DLG2: variants seen among roughly 807,000 people sequenced by gnomAD.
DLG2 encodes the protein discs large MAGUK scaffold protein 2.
DLG2 carries 45 observed loss-of-function variants against 132.5 expected under a neutral mutation model. That is an observed-to-expected ratio of 0.34 (90% confidence interval 0.27 to 0.44). The LOEUF is 0.44. Among genes scored for constraint, DLG2 ranks in the 20% least tolerant of loss-of-function variants. DLG2 has a pLI of 1.00. For missense variants in DLG2, 1,045 were observed against 1,196.9 expected (o/e 0.87, Z 1.87); for synonymous variants, 424 against 419.6 (o/e 1.01, Z -0.13).
At chr11:84,966,591 A>G (rs186733421) in intron 6 of DLG2, among the ~76,000 whole-genome samples, 87 of 152,270 alleles carry the variant, frequency 5.7e-4, no homozygotes, top group African/African-American at 2.0e-3. Flanking sequence ...TGTGACGAGG[A>G]AAGACAGCAT....
At chr11:84,202,026 C>T (rs920587635) in intron 8 of DLG2, among the ~76,000 whole-genome samples, 11 of 151,744 alleles carry the variant, frequency 7.2e-5, no homozygotes, top group Non-Finnish European at 1.3e-4. Flanking sequence ...ACTATGTTGG[C>T]CAGGCTGGTC....
At chr11:84,385,703 T>C (rs891013402) in intron 7 of DLG2, among the ~76,000 whole-genome samples, 1 of 152,068 alleles carries the variant, frequency 6.6e-6, no homozygotes, top group Non-Finnish European at 1.5e-5. Context: ...GATCAAATAA[T>C]CAACCTAACC....
intron 18 of DLG2, among the ~76,000 whole-genome samples, chr11:83,652,276 G>A (rs1164401454): frequency 1.3e-5 from 2 of 152,094 alleles, no homozygotes; most frequent in East Asian, 1.9e-4. Flanking sequence ...CTCTTGAAAA[G>A]GGGGAGAGGA....
intron 10 of DLG2, among the ~76,000 whole-genome samples, chr11:84,077,680 AC>A (rs1446672900): frequency 6.6e-6 from 1 of 152,220 alleles, no homozygotes; most frequent in East Asian, 1.9e-4. Context: ...CAATTACATC[AC>A]TATTTCAAAT....
At chr11:84,971,687 G>A (rs997545807) in intron 6 of DLG2, among the ~76,000 whole-genome samples, 3 of 151,718 alleles carry the variant, frequency 2.0e-5, no homozygotes, top group African/African-American at 7.3e-5. Flanking sequence ...AGTTTAAAAG[G>A]GTAATTCTTT....
chr11:85,216,657 G>A (rs2082617987), intron 4 of DLG2, among the ~76,000 whole-genome samples: 1 of 152,026 alleles, frequency 6.6e-6, no homozygotes, highest in African/African-American at 2.4e-5. Flanking sequence ...CAGAATCTTA[G>A]GGTCGGTCAC....
chr11:83,689,452 A>C (rs2080456203), intron 18 of DLG2, among the ~76,000 whole-genome samples: 1 of 152,168 alleles, frequency 6.6e-6, no homozygotes, highest in African/African-American at 2.4e-5. Context: ...CTTCAATGCA[A>C]TGAAGGCTAA....
chr11:83,943,111 G>A (rs775326178), intron 14 of DLG2, among the ~76,000 whole-genome samples: 4 of 152,156 alleles, frequency 2.6e-5, no homozygotes, highest in Non-Finnish European at 5.9e-5. Context: ...CCTCAGCCAC[G>A]TGGAACTGTA....
chr11:84,735,615 A>AT (rs952226717), intron 6 of DLG2, among the ~76,000 whole-genome samples: 1 of 151,690 alleles, frequency 6.6e-6, no homozygotes, highest in Non-Finnish European at 1.5e-5. Context: ...TTTTTGAAGG[A>AT]TTTTTTTCGT....
rs747301046 is a variant in DLG2 at position 83,833,619 on chromosome 11, G to T, written c.1717C>A (p.Leu573Ile). Residue 573 changes from leucine to isoleucine, a missense_variant, in exon 17 of 28, where the codon CTA becomes ATA. Coordinates refer to ENST00000376104, the MANE Select transcript of DLG2 (RefSeq NM_001142699.3). The part of the protein sequence containing the change: ...SGELQRGDQI[L>I]SVNGIDLRGA... The stretch of plus-strand genomic sequence containing the variant: ...GATTAAAGAAACATACTCACCGATA[G>T]GATCTGGTCTCCTCTCTGGAGCTCC... The T allele has an allele frequency of 1.2e-6, 2 of 1,612,888 alleles. No homozygotes were observed. Among genetic ancestry groups the T allele is most frequent in the Non-Finnish European group, 1.7e-6 (2 of 1,179,480 alleles).
At chr11:84,178,526 G>T (rs2096031922) in intron 8 of DLG2, among the ~76,000 whole-genome samples, 1 of 152,080 alleles carries the variant, frequency 6.6e-6, no homozygotes, top group Admixed American at 6.6e-5. Context: ...GGAAAAGGAA[G>T]GCCTATTCGA....
chr11:84,579,188 C>CGT (rs140667305), intron 6 of DLG2, among the ~76,000 whole-genome samples: 77,058 of 145,394 alleles, frequency 0.53, 20,210 homozygotes, highest in East Asian at 0.67. Flanking sequence ...GCATTATTCA[C>CGT]GTGTGTGTGT....
At chr11:84,152,313 A>C (rs1284651086) in intron 9 of DLG2, among the ~76,000 whole-genome samples, 1 of 137,192 alleles carries the variant, frequency 7.3e-6, no homozygotes, top group East Asian at 2.1e-4. Flanking sequence ...GTCACTTTTG[A>C]CTTGTTATTT....
intron 6 of DLG2, among the ~76,000 whole-genome samples, chr11:84,847,601 C>T (rs2081638920): frequency 6.6e-6 from 1 of 152,102 alleles, no homozygotes; most frequent in Non-Finnish European, 1.5e-5. Flanking sequence ...TTTGCCAGAC[C>T]AGCAGAAGAT....
At chr11:85,474,138 A>G (rs1247738968) in intron 3 of DLG2, among the ~76,000 whole-genome samples, 15 of 152,068 alleles carry the variant, frequency 9.9e-5, no homozygotes, top group African/African-American at 3.6e-4. Flanking sequence ...AAATAAAAAA[A>G]TTAACCAAAA....
chr11:85,042,270 A>G (rs1182126732), intron 6 of DLG2, among the ~76,000 whole-genome samples: 1 of 151,958 alleles, frequency 6.6e-6, no homozygotes. Flanking sequence ...AACTATAAAA[A>G]TAAATAAGGT....
At chr11:84,058,668 C>G (rs576612914) in intron 11 of DLG2, among the ~76,000 whole-genome samples, 3 of 151,594 alleles carry the variant, frequency 2.0e-5, no homozygotes, top group South Asian at 4.2e-4. Context: ...GCCTGGGCAA[C>G]AGAGTGAGAC....
At chr11:84,199,108 A>G (rs1360761402) in intron 8 of DLG2, among the ~76,000 whole-genome samples, 4 of 152,282 alleles carry the variant, frequency 2.6e-5, no homozygotes, top group African/African-American at 9.6e-5. Context: ...AGGGAAGTGA[A>G]GATAGGCTTG....
intron 18 of DLG2, among the ~76,000 whole-genome samples, chr11:83,759,483 G>A (rs980511385): frequency 3.9e-5 from 6 of 152,168 alleles, no homozygotes; most frequent in East Asian, 1.9e-4. Flanking sequence ...CTGTGACCTC[G>A]AAGGCTTTAG....
Sources: allele counts gnomAD v4.1 joint callset (sites outside exome capture counted in the v4.1 genomes callset), GRCh38; gene constraint gnomAD v4.1.1; transcripts MANE v1.5; gene names NCBI Gene and HGNC (gene_info 2026-07-23, HGNC 2026-07-21).